AGBL1: variants seen among roughly 807,000 people sequenced by gnomAD.
AGBL1 encodes the protein AGBL carboxypeptidase 1.
A neutral mutation model predicts 118.9 loss-of-function variants in AGBL1; 130 were observed. The ratio of observed to expected loss-of-function variants is 1.09; its 90% CI spans 0.95 to 1.26. The LOEUF (loss-of-function observed/expected upper bound fraction) is 1.26. Ranked by LOEUF, AGBL1 falls within the 50% of genes most tolerant of loss-of-function variation. AGBL1 has a pLI of 0.00. For missense variants in AGBL1, 1,584 were observed against 1,298.1 expected (o/e 1.22, Z -3.38); for synonymous variants, 555 against 478.9 (o/e 1.16, Z -2.08).
At chr15:86,228,975 T>C (rs904887403) in intron 6 of AGBL1, among the ~76,000 whole-genome samples, 3 of 152,168 alleles carry the variant, frequency 2.0e-5, no homozygotes, top group Non-Finnish European at 4.4e-5. Context: ...CCTTTCCTTG[T>C]ATCAGTTCCC....
At chr15:86,634,061 A>G (rs1322699063) in intron 21 of AGBL1, among the ~76,000 whole-genome samples, 2 of 152,054 alleles carry the variant, frequency 1.3e-5, no homozygotes, top group Non-Finnish European at 2.9e-5. Flanking sequence ...GACAGAAAAT[A>G]GCTAGTATTG....
chr15:86,380,118 T>C (rs1391570441), intron 17 of AGBL1, among the ~76,000 whole-genome samples: 1 of 151,088 alleles, frequency 6.6e-6, no homozygotes, highest in African/African-American at 2.4e-5. Flanking sequence ...TTTAAATCTA[T>C]ATACTGCTCA....
intron 22 of AGBL1, among the ~76,000 whole-genome samples, chr15:86,720,952 G>A (rs2086709722): frequency 1.3e-5 from 2 of 152,110 alleles, no homozygotes; most frequent in African/African-American, 4.8e-5. Flanking sequence ...AAACCAGGAA[G>A]AAGTTGAATC....
intron 23 of AGBL1, among the ~76,000 whole-genome samples, chr15:86,956,795 G>C (rs1424818080): frequency 6.6e-6 from 1 of 151,984 alleles, no homozygotes. Flanking sequence ...GAGAAGTAAA[G>C]AGCTACATTT....
rs34697784 is a variant in AGBL1 at position 86,495,103 on chromosome 15, ACT to A, written c.2556-27687_2556-27686del. On this transcript the variant is annotated intron_variant, in intron 18 of 22. Transcript: ENST00000614907. Reference sequence around the variant, plus strand: ...CTAGTGCGCTCCGTCTGTCTCGCTCACTCTCTCTCTCTCTCTCTCTCGCTTTC... The same window carrying A: ...CTAGTGCGCTCCGTCTGTCTCGCTCACTCTCTCTCTCTCTCTCTCGCTTTC... Among the ~76,000 whole-genome samples, 625 of 128,646 alleles carry A rather than the reference ACT, an allele frequency of 4.9e-3. 4 individuals are homozygous for A. Among genetic ancestry groups the A allele is most frequent in the Middle Eastern group, 9.5e-3 (2 of 210 alleles). The allele number at this position is 128,646 out of a possible 152,430, so 84.4% of individuals were successfully genotyped here.
chr15:86,407,025 C>A (rs1397613175), intron 18 of AGBL1, among the ~76,000 whole-genome samples: 1 of 152,124 alleles, frequency 6.6e-6, no homozygotes, highest in Non-Finnish European at 1.5e-5. Context: ...GATTACCCTC[C>A]TTAGAAAATT....
At chr15:86,490,597 C>T (rs1433679415) in intron 18 of AGBL1, among the ~76,000 whole-genome samples, 1 of 152,036 alleles carries the variant, frequency 6.6e-6, no homozygotes, top group African/African-American at 2.4e-5. Flanking sequence ...TGTTCTAGAA[C>T]AAGTCCAACA....
intron 21 of AGBL1, among the ~76,000 whole-genome samples, chr15:86,648,991 G>A (rs938622565): frequency 2.0e-5 from 3 of 152,116 alleles, no homozygotes; most frequent in African/African-American, 4.8e-5. Flanking sequence ...GGAAGGAAGA[G>A]TGATATGAAG....
In AGBL1 at chr15:86,859,872, G is replaced by C. The variant is rs2079536959; in HGVS notation, c.3159-47215G>C. ...CTAATTCCATCTCTAGAGTTTATCA[G>C]CTGTGTGACCTTGGACAACTTAAAG... On this transcript the variant is annotated intron_variant, in intron 22 of 22. Transcript: ENST00000614907. 3.3e-5 allele frequency among the ~76,000 whole-genome samples: 5 copies of C among 152,130 alleles called. 1 individual carries two copies. In the South Asian group the frequency reaches 1.0e-3, roughly 32 times the overall value.
rs187982390 is a variant in AGBL1, at chr15:86,174,957, A to G, written c.488+15931A>G. On this transcript the variant is annotated intron_variant, in intron 5 of 22. Coordinates refer to ENST00000614907, the MANE Select transcript of AGBL1 (RefSeq NM_001386094.1). ...CTATGTTCATTAGGGATATTGATCT[A>G]TAGGTTTCTTTTTTTGTTGTATCCT... Among the ~76,000 whole-genome samples, 54 of 152,062 alleles carry G rather than the reference A, an allele frequency of 3.6e-4. No individual in the cohort carries two copies. In the East Asian group the frequency reaches 9.6e-3, roughly 27 times the overall value.
intron 22 of AGBL1, among the ~76,000 whole-genome samples, chr15:86,696,703 A>T (rs141331089): frequency 6.6e-6 from 1 of 151,852 alleles, no homozygotes; most frequent in African/African-American, 2.4e-5. Flanking sequence ...CATGAGATTC[A>T]TGCTTTAAAG....
chr15:86,214,609 T>C (rs879420643), intron 5 of AGBL1, among the ~76,000 whole-genome samples: 1 of 152,216 alleles, frequency 6.6e-6, no homozygotes, highest in Admixed American at 6.5e-5. Flanking sequence ...TGAGAACTTA[T>C]TGCAATCCCG....
Position 86,460,933 on chromosome 15 carries a change from A to G in AGBL1, c.2556-61877A>G, listed in dbSNP as rs143249896. On this transcript the variant is annotated intron_variant, in intron 18 of 22. Coordinates refer to ENST00000614907, the MANE Select transcript of AGBL1 (RefSeq NM_001386094.1). ...TAACGTTGCATTTTGTTTCCGTTGA[A>G]TTTGACCCATGTGAGAGAACTGGCG... is the stretch of plus-strand genomic sequence containing the variant. 5.9e-4 allele frequency among the ~76,000 whole-genome samples: 90 copies of G among 152,286 alleles called. No homozygotes were observed. The East Asian group carries it at 0.016, about 27-fold the overall frequency.
chr15:86,187,620 T>G lies in AGBL1; in HGVS notation c.488+28594T>G, dbSNP rs972758406. On this transcript the variant is annotated intron_variant, in intron 5 of 22. Transcript: ENST00000614907. ...CTGTGGTGAGATTGAAGTGGTATGATGCATATCAGGGCCCAGAACAATGGA... is the reference window on the plus strand; with the variant it reads ...CTGTGGTGAGATTGAAGTGGTATGAGGCATATCAGGGCCCAGAACAATGGA... Among the ~76,000 whole-genome samples, 137 of 152,180 alleles carry G rather than the reference T, an allele frequency of 9.0e-4. 2 individuals carry two copies. Among genetic ancestry groups the G allele is most frequent in the Non-Finnish European group, 3.8e-4 (26 of 68,042 alleles).
intron 5 of AGBL1, among the ~76,000 whole-genome samples, chr15:86,174,420 C>G (rs900366240): frequency 6.6e-6 from 1 of 151,984 alleles, no homozygotes; most frequent in African/African-American, 2.4e-5. Context: ...TTCTGTTTTC[C>G]AATTTAAGTG....
intron 21 of AGBL1, among the ~76,000 whole-genome samples, chr15:86,569,518 C>A (rs1479676836): frequency 2.0e-5 from 3 of 151,526 alleles, no homozygotes; most frequent in Admixed American, 6.6e-5. Flanking sequence ...AACTGCAATT[C>A]AAGTGATGCC....
At chr15:86,878,127 T>C (rs1020100822) in intron 22 of AGBL1, among the ~76,000 whole-genome samples, 3 of 152,204 alleles carry the variant, frequency 2.0e-5, no homozygotes, top group African/African-American at 7.2e-5. Flanking sequence ...GATCCTGTGT[T>C]TGCTTTTGTG....
At chr15:86,308,218 CT>C (rs2054467675) in intron 17 of AGBL1, among the ~76,000 whole-genome samples, 2 of 152,138 alleles carry the variant, frequency 1.3e-5, no homozygotes, top group Admixed American at 6.5e-5. Flanking sequence ...AGGTCAGTTT[CT>C]CCCCTAGAAT....
chr15:86,133,681 C>A (rs573234334), intron 1 of AGBL1, among the ~76,000 whole-genome samples: 3 of 152,314 alleles, frequency 2.0e-5, no homozygotes, highest in African/African-American at 7.2e-5. Flanking sequence ...CGAGGAGGAT[C>A]ATTGATATCC....
Sources: gnomAD v4.1 joint callset for allele counts (sites outside exome capture counted in the v4.1 genomes callset) on GRCh38, gnomAD v4.1.1 for gene constraint, MANE v1.5 for transcripts, NCBI Gene and HGNC (gene_info 2026-07-23, HGNC 2026-07-21) for gene names.